The following ERCC2 variants were observed in gnomAD, a reference collection of about 807,000 sequenced individuals.
The protein encoded by ERCC2 is general transcription and DNA repair factor IIH helicase subunit XPD.
ERCC2 carries 90 observed loss-of-function variants against 99.4 expected under a neutral mutation model. The ratio of observed to expected loss-of-function variants is 0.91; its 90% CI spans 0.76 to 1.08. The LOEUF is 1.08. Ranked by LOEUF, ERCC2 falls within the 50% of genes least tolerant of loss-of-function variation. The pLI is 0.00. For synonymous variants in ERCC2, 497 were observed against 432.4 expected, an observed-to-expected ratio of 1.15 and a Z score of -1.85; for missense variants, 993 against 1,038.1, an observed-to-expected ratio of 0.96 and a Z score of 0.60.
chr19:45,353,204 C>T (rs779948267), intron 18 of ERCC2, 38 bp downstream of exon 18: 1 of 1,612,888 alleles, frequency 6.2e-7, no homozygotes, highest in South Asian at 1.1e-5. Flanking sequence ...TCAGAGCCAC[C>T]TCCCCGACCC....
intron 1 of ERCC2, 42 bp from the exon 2 acceptor site, chr19:45,370,274 C>G: frequency 6.2e-7 from 1 of 1,604,198 alleles, no homozygotes; most frequent in Non-Finnish European, 8.5e-7. Flanking sequence ...TCCCCTCAGC[C>G]CCTCTCCCGC....
At chr19:45,355,814 C>CTTTTT (rs35665496) in intron 15 of ERCC2, 86 bp from the exon 16 acceptor site, 2 of 678,782 alleles carry the variant, frequency 2.9e-6, no homozygotes, top group African/African-American at 2.1e-5. Flanking sequence ...CTGTTCTAAG[C>CTTTTT]TTTTTTTTTT....
chr19:45,351,244 C>G lies in ERCC2; in HGVS notation c.*385G>C, dbSNP rs1329080075. On this transcript the variant is annotated 3_prime_UTR_variant, in exon 23 of 23. Coordinates refer to ENST00000391945, the MANE Select transcript of ERCC2 (RefSeq NM_000400.4). ...AGCTGGAGGGTGGATGTAACACTTG[C>G]CCCTCACCTCCCCTCCAACCATCCC... 6.4e-7 allele frequency: 1 copy of G among 1,565,940 alleles called. No individual in the cohort carries two copies. Among genetic ancestry groups the G allele is most frequent in the Non-Finnish European group, 8.7e-7 (1 of 1,154,642 alleles).
chr19:45,364,149 G>A (rs1417112408), intron 9 of ERCC2, 30 bp from the exon 10 acceptor site: 2 of 1,611,720 alleles, frequency 1.2e-6, no homozygotes, highest in East Asian at 4.5e-5. Flanking sequence ...GGCTGGGAGG[G>A]GGCTGGCAAC....
Position 45,364,614 on chromosome 19 carries a change from C to T in ERCC2, c.595-67G>A. On this transcript the variant is annotated intron_variant, in intron 7 of 22. Transcript: ENST00000391945. ...CAACCCCTACCCCTACCCCTGGCCA[C>T]ACTGGCCCGTCACTCCCACACAGGC... 8 of 1,598,412 alleles carry T rather than the reference C, an allele frequency of 5.0e-6. 2 individuals carry two copies. The South Asian group carries it at 5.6e-5, about 11-fold the overall frequency.
rs1972304786 is a variant in ERCC2 at position 45,363,655 on chromosome 19, G to A, written c.1118+88C>T. The A allele has an allele frequency of 1.5e-5, 21 of 1,397,660 alleles. No individual in the cohort carries two copies. In the South Asian group the frequency reaches 1.9e-4, roughly 13 times the overall value. The allele number at this position is 1,397,660 out of a possible 1,614,324, so 86.6% of individuals were successfully genotyped here. A position where few individuals can be genotyped will look rare whatever the true frequency, so the allele number is the denominator to read the frequency against. ...CTCACTCACTCCTGATGCTGCAGTG[G>A]TGACCTGGGGCTACAGGCGTGGAGG... On this transcript the variant is annotated intron_variant, in intron 11 of 22. Coordinates refer to ENST00000391945, the MANE Select transcript of ERCC2 (RefSeq NM_000400.4).
Position 45,351,575 on chromosome 19 carries a change from G to C in ERCC2, c.*54C>G. The C allele has an allele frequency of 6.2e-7, 1 of 1,610,928 alleles. No homozygotes were observed. Among genetic ancestry groups the C allele is most frequent in the Non-Finnish European group, 8.5e-7 (1 of 1,179,566 alleles). On this transcript the variant is annotated 3_prime_UTR_variant, in exon 23 of 23. Transcript: ENST00000391945. ...AGCACCACCGCCGCTGGGAACCAGGGCCAGGCAAGACTCAGGAGTCACCAG... is the reference window on the plus strand; with the variant it reads ...AGCACCACCGCCGCTGGGAACCAGGCCCAGGCAAGACTCAGGAGTCACCAG...
chr19:45,364,017 G>T lies in ERCC2; in HGVS notation c.918C>A (p.Ala306=). Residue 306 remains alanine, a synonymous_variant, in exon 10 of 23, where the codon GCC becomes GCA. Coordinates refer to ENST00000391945, the MANE Select transcript of ERCC2 (RefSeq NM_000400.4). The part of the protein sequence containing the change: ...SAARETDAHL[A]NPVLPDEVLQ... ...GCACTTCGTCGGGCAGCACGGGGTT[G>T]GCCAGGTGGGCGTCCGTCTCCCGGG... 6.5e-7 allele frequency: 1 copy of T among 1,550,026 alleles called. No individual in the cohort carries two copies.
In ERCC2 at chr19:45,364,534, T is replaced by G; in HGVS notation, c.608A>C (p.Asn203Thr). The G allele has an allele frequency of 6.2e-7, 1 of 1,613,340 alleles. No individual in the cohort carries two copies. The highest frequency in any genetic ancestry group is 1.3e-5 in the African/African-American group (1 of 74,992). Residue 203 changes from asparagine to threonine, a missense_variant, in exon 8 of 23, where the codon AAT becomes ACT. Physicochemically the swap from Asn to Thr is moderately conservative, Grantham distance 65 (BLOSUM62 0). This residue lies in a region of ERCC2 where 909 missense variants were observed against 930.8 expected (regional missense o/e 0.98). Coordinates refer to ENST00000391945, the MANE Select transcript of ERCC2 (RefSeq NM_000400.4). ...FLARYSILHA[N>T]VVVYSYHYLL... is the part of the protein sequence containing the mutation. ...GTAGTGGTAGCTATAAACCACCACA[T>G]TGGCATGCAGGATCTGGGGGGCCGG... is the stretch of plus-strand genomic sequence containing the variant.
In ERCC2 at chr19:45,350,865, C is replaced by T. The variant is rs762568700; in HGVS notation, c.*764G>A. 4.2e-6 allele frequency: 6 copies of T among 1,427,844 alleles called. No homozygotes were observed. Among genetic ancestry groups the T allele is most frequent in the Non-Finnish European group, 5.8e-6 (6 of 1,033,158 alleles). 88.4% of individuals were successfully genotyped at this position (1,427,844 alleles called of 1,614,324 possible). On this transcript the variant is annotated 3_prime_UTR_variant, in exon 23 of 23. Coordinates refer to ENST00000391945, the MANE Select transcript of ERCC2 (RefSeq NM_000400.4). Reference sequence around the variant, plus strand: ...TGGCTCCCATCTCCCCTGTGATACACACAGATCAAACCCTGTGCTGGAAAG... The same window carrying T: ...TGGCTCCCATCTCCCCTGTGATACATACAGATCAAACCCTGTGCTGGAAAG...
rs751801857 is a variant in ERCC2, at chr19:45,351,620, C to CCGCCCCACT, written c.2283_*8dup. On this transcript the variant is annotated 3_prime_UTR_variant, in exon 23 of 23. Transcript: ENST00000391945. The stretch of plus-strand genomic sequence containing the variant: ...CACCAGGAACCGTTTATGGCCCCAC[C>CCGCCCCACT]CGCCCCACTCAGAGCTGCTGAGCAA... 3 of 1,613,738 alleles carry CCGCCCCACT rather than the reference C, an allele frequency of 1.9e-6. No homozygotes were observed. The highest frequency in any genetic ancestry group is 1.3e-5 in the African/African-American group (1 of 75,060).
intron 11 of ERCC2, among the ~76,000 whole-genome samples, chr19:45,362,320 C>T (rs528846408): frequency 3.0e-4 from 46 of 152,316 alleles, no homozygotes; most frequent in Admixed American, 1.0e-3. Flanking sequence ...CACGCATTCA[C>T]ACCCAGAGCC....
intron 1 of ERCC2, 111 bp downstream of exon 1, chr19:45,370,425 C>A: frequency 6.7e-7 from 1 of 1,491,172 alleles, no homozygotes; most frequent in South Asian, 1.2e-5. Flanking sequence ...CCCCGTCCCA[C>A]CCCTTCACCC....
At position 45,351,595 on chromosome 19, in the gene ERCC2, C is replaced by T. The variant is rs762249720; in HGVS notation, c.*34G>A. The T allele has an allele frequency of 6.2e-6, 10 of 1,612,510 alleles. No individual in the cohort carries two copies. Among genetic ancestry groups the T allele is most frequent in the Non-Finnish European group, 7.6e-6 (9 of 1,179,490 alleles). ...CCAGGGCCAGGCAAGACTCAGGAGT[C>T]ACCAGGAACCGTTTATGGCCCCACC... On this transcript the variant is annotated 3_prime_UTR_variant, in exon 23 of 23. Transcript: ENST00000391945.
chr19:45,350,511 T>C lies in ERCC2; in HGVS notation c.*1118A>G, dbSNP rs570908802. The C allele has an allele frequency of 5.1e-5, 82 of 1,612,810 alleles. No homozygotes were observed. In the East Asian group the frequency reaches 1.8e-3, roughly 35 times the overall value. On this transcript the variant is annotated 3_prime_UTR_variant, in exon 23 of 23. Transcript: ENST00000391945. The stretch of plus-strand genomic sequence containing the variant: ...TCTCAGTGTCCCCCATCTTTCCCCC[T>C]AGGTGCCCCCAACACAGGCACAGCT...
chr19:45,351,558 C>T lies in ERCC2; in HGVS notation c.*71G>A, dbSNP rs190615456. The stretch of plus-strand genomic sequence containing the variant: ...ACTTCATAAGACCTTCTAGCACCAC[C>T]GCCGCTGGGAACCAGGGCCAGGCAA... On this transcript the variant is annotated 3_prime_UTR_variant, in exon 23 of 23. Transcript: ENST00000391945. 2.1e-4 allele frequency: 339 copies of T among 1,608,594 alleles called. 1 individual carries two copies. In the African/African-American group the frequency reaches 3.2e-3, roughly 15 times the overall value.
At chr19:45,352,936 G>T in intron 19 of ERCC2, 120 bp from the exon 20 acceptor site, 4 of 1,230,504 alleles carry the variant, frequency 3.3e-6, no homozygotes, top group Non-Finnish European at 4.8e-6. Context: ...TTCCCGCCGG[G>T]TGCCTAGGGA....
rs956099025 is a variant in ERCC2, at chr19:45,350,120, G to A, written c.*1509C>T. 1.1e-5 allele frequency: 6 copies of A among 570,484 alleles called. No individual in the cohort carries two copies. In the African/African-American group the frequency reaches 1.1e-4, roughly 11 times the overall value. The allele number at this position is 570,484 out of a possible 1,614,324, so 35.3% of individuals were successfully genotyped here. A position where few individuals can be genotyped will look rare whatever the true frequency, so the allele number is the denominator to read the frequency against. On this transcript the variant is annotated 3_prime_UTR_variant, in exon 23 of 23. Transcript: ENST00000391945. Reference sequence around the variant, plus strand: ...TTAGGCAGGGGAAGGATACGGCCAGGTCAGCACATTAGAAAGTGGGGCCAG... The same window carrying A: ...TTAGGCAGGGGAAGGATACGGCCAGATCAGCACATTAGAAAGTGGGGCCAG...
chr19:45,352,896 G>A, intron 19 of ERCC2, 80 bp from the exon 20 acceptor site: 1 of 1,405,108 alleles, frequency 7.1e-7, no homozygotes. Flanking sequence ...GACCCAGGAT[G>A]CTGTGTCTGA....
Sources: gnomAD v4.1 joint callset for allele counts (sites outside exome capture counted in the v4.1 genomes callset) on GRCh38, gnomAD v4.1.1 for gene constraint, gnomAD v4.1.1 regional missense constraint, MANE v1.5 for transcripts, NCBI Gene and HGNC (gene_info 2026-07-23, HGNC 2026-07-21) for gene names.